The following CPLX2 variants were observed in gnomAD, a reference collection of about 807,000 sequenced individuals.
CPLX2 encodes complexin-2.
In CPLX2, 5 loss-of-function variants were observed where a neutral mutation model predicts 16.3. The ratio of observed to expected loss-of-function variants is 0.31; its 90% CI spans 0.16 to 0.64. The LOEUF is 0.64. Ranked by LOEUF, CPLX2 falls within the 30% of genes least tolerant of loss-of-function variation. The probability of loss-of-function intolerance (pLI) is 0.79; values close to 1 mark genes in which losing one functional copy is unlikely to be tolerated. For synonymous variants in CPLX2, 89 were observed against 73.2 expected (o/e 1.22, Z -1.10); for missense variants, 144 against 181.4 (o/e 0.79, Z 1.18).
At chr5:175,813,704 G>C (rs1034451748) in intron 2 of CPLX2, among the ~76,000 whole-genome samples, 1 of 152,238 alleles carries the variant, frequency 6.6e-6, no homozygotes. Flanking sequence ...ACAGACCATC[G>C]GGGATCCATG....
At chr5:175,871,259 T>G (rs1319595639), upstream of CPLX2, among the ~76,000 whole-genome samples, 1 of 142,326 alleles carries the variant, frequency 7.0e-6, no homozygotes, top group Non-Finnish European at 1.5e-5. Context: ...CAGGGGCGTC[T>G]GCGAGGGGGA....
At chr5:175,869,101 C>T (rs978658921), upstream of CPLX2, among the ~76,000 whole-genome samples, 2 of 152,126 alleles carry the variant, frequency 1.3e-5, no homozygotes, top group Non-Finnish European at 2.9e-5. Flanking sequence ...GTAGGGCCTT[C>T]GGGAAGCATG....
upstream of CPLX2, among the ~76,000 whole-genome samples, chr5:175,869,428 G>A (rs1759539027): frequency 6.6e-6 from 1 of 152,190 alleles, no homozygotes; most frequent in African/African-American, 2.4e-5. Context: ...CCTATGGCTG[G>A]ACAGCTCCTA....
At chr5:175,806,727 T>C (rs2059785) in intron 1 of CPLX2, among the ~76,000 whole-genome samples, 123,123 of 151,058 alleles carry the variant, frequency 0.82, 50,276 homozygotes, top group East Asian at 0.9. Context: ...TCAAACTCCC[T>C]ACCTCAGGCG....
chr5:175,797,864 C>A (rs1171092131), intron 1 of CPLX2, among the ~76,000 whole-genome samples: 1 of 152,202 alleles, frequency 6.6e-6, no homozygotes, highest in African/African-American at 2.4e-5. Flanking sequence ...CCGGGAGGTT[C>A]CCAAACAGGG....
intron 1 of CPLX2, among the ~76,000 whole-genome samples, chr5:175,877,849 A>T (rs1755438284): frequency 6.6e-6 from 1 of 152,210 alleles, no homozygotes; most frequent in Non-Finnish European, 1.5e-5. Context: ...AATAAAAAAT[A>T]TAATAAAAAC....
chr5:175,806,652 G>A (rs535390306), intron 1 of CPLX2, among the ~76,000 whole-genome samples: 7 of 121,362 alleles, frequency 5.8e-5, no homozygotes, highest in African/African-American at 1.6e-4. Flanking sequence ...CACCACGCCC[G>A]GTTAATTTTG....
chr5:175,873,606 C>T (rs1467609874), intron 1 of CPLX2, among the ~76,000 whole-genome samples: 1 of 152,206 alleles, frequency 6.6e-6, no homozygotes, highest in Non-Finnish European at 1.5e-5. Context: ...GATGCCCTCA[C>T]ATCTTGCCAA....
Position 175,879,839 on chromosome 5 carries a change from C to A in CPLX2, c.208-9C>A. The A allele has an allele frequency of 1.2e-6, 2 of 1,608,044 alleles. No homozygotes were observed. Among genetic ancestry groups the A allele is most frequent in the Non-Finnish European group, 1.7e-6 (2 of 1,177,378 alleles). ...GCTTCATGCGCGTCTCTGCCCTCCC[C>A]CTCCCCAGTATGGGCTGAAGAAGAA... On this transcript the variant is annotated splice_polypyrimidine_tract_variant and intron_variant, in intron 3 of 3. Coordinates refer to ENST00000393745, the MANE Select transcript of CPLX2 (RefSeq NM_001008220.2).
At chr5:175,877,203 G>C (rs541285173) in intron 1 of CPLX2, among the ~76,000 whole-genome samples, 1 of 150,624 alleles carries the variant, frequency 6.6e-6, no homozygotes, top group African/African-American at 2.5e-5. Flanking sequence ...CAAAGCCCCT[G>C]GGCTGTTTTG....
intron 2 of CPLX2, among the ~76,000 whole-genome samples, chr5:175,839,176 CA>C (rs1292692580): frequency 1.3e-5 from 2 of 152,310 alleles, no homozygotes; most frequent in Non-Finnish European, 2.9e-5. Flanking sequence ...GGATTATAGG[CA>C]CGAGCCACCA....
At chr5:175,818,972 A>G (rs1288063213) in intron 2 of CPLX2, among the ~76,000 whole-genome samples, 1 of 152,068 alleles carries the variant, frequency 6.6e-6, no homozygotes, top group African/African-American at 2.4e-5. Context: ...CCCGACTTCT[A>G]ATTTCATAGA....
At chr5:175,827,377 A>AT (rs1331322482) in intron 2 of CPLX2, among the ~76,000 whole-genome samples, 1 of 152,212 alleles carries the variant, frequency 6.6e-6, no homozygotes, top group Non-Finnish European at 1.5e-5. Context: ...GCTGAGGGCA[A>AT]TGCAGAGTGG....
At chr5:175,850,937 A>T (rs997490075) in intron 2 of CPLX2, among the ~76,000 whole-genome samples, 11 of 146,690 alleles carry the variant, frequency 7.5e-5, no homozygotes, top group Non-Finnish European at 6.0e-5. Context: ...GGCCTGAGGA[A>T]CCAGAGGCAG....
At chr5:175,837,295 G>T (rs2113664632) in intron 2 of CPLX2, among the ~76,000 whole-genome samples, 2 of 152,304 alleles carry the variant, frequency 1.3e-5, no homozygotes, top group East Asian at 3.9e-4. Flanking sequence ...CAGGCAGCAG[G>T]GGCTAATTGG....
chr5:175,800,556 T>G (rs1581063710), intron 1 of CPLX2, among the ~76,000 whole-genome samples: 1 of 151,774 alleles, frequency 6.6e-6, no homozygotes, highest in Non-Finnish European at 1.5e-5. Context: ...GTGATCAAGA[T>G]AGGGCATCCC....
chr5:175,871,550 G>C (rs1287865250), upstream of CPLX2: 3 of 152,068 alleles, frequency 2.0e-5, no homozygotes, highest in Admixed American at 2.0e-4. Context: ...GGCGTGATTG[G>C]AGGGCGCCTT....
At position 175,878,904 on chromosome 5, in the gene CPLX2, G is replaced by T. The variant is rs762728266; in HGVS notation, c.32-4G>T. ...GCCCTCTCCTTCCCACCCCTTCCTCGTAGGGGCCACAAAGGACATGGGGAA... is the reference window on the plus strand; with the variant it reads ...GCCCTCTCCTTCCCACCCCTTCCTCTTAGGGGCCACAAAGGACATGGGGAA... On this transcript the variant is annotated splice_region_variant and splice_polypyrimidine_tract_variant and intron_variant, in intron 2 of 3. Transcript: ENST00000393745. 3.7e-6 allele frequency: 6 copies of T among 1,611,252 alleles called. No homozygotes were observed. In the African/African-American group the frequency reaches 6.7e-5, roughly 18 times the overall value.
intron 2 of CPLX2, among the ~76,000 whole-genome samples, chr5:175,852,758 C>A (rs1245780114): frequency 1.3e-5 from 2 of 152,116 alleles, no homozygotes; most frequent in African/African-American, 4.8e-5. Flanking sequence ...CAAGGACCAG[C>A]TAGGTGGGAT....
Sources: allele counts gnomAD v4.1 joint callset (sites outside exome capture counted in the v4.1 genomes callset), GRCh38; gene constraint gnomAD v4.1.1; transcripts MANE v1.5; gene names NCBI Gene and HGNC (gene_info 2026-07-23, HGNC 2026-07-21).